The following ANKRD31 variants were observed in gnomAD, a reference collection of about 807,000 sequenced individuals.
ANKRD31 encodes the protein ankyrin repeat domain 31.
ANKRD31 carries 147 observed loss-of-function variants against 186.0 expected under a neutral mutation model. That is an observed-to-expected ratio of 0.79 (90% confidence interval 0.69 to 0.91). The LOEUF is 0.91. Among genes scored for constraint, ANKRD31 ranks in the 40% least tolerant of loss-of-function variants. The pLI is 0.00. For missense variants in ANKRD31, 1,986 were observed against 2,148.8 expected (o/e 0.92, Z 1.50); for synonymous variants, 673 against 736.4 (o/e 0.91, Z 1.39).
rs1317518353 is a variant in ANKRD31, at chr5:75,068,561, C to G, written c.5751G>C (p.Gln1917His). ...CACATTCCACACAAAACTTCCAATG[C>G]TGATCCATTATGTGGCATGGGAGAA... is the stretch of plus-strand genomic sequence containing the variant. Reference protein sequence around the residue: ...QEFLPCHIMDQHWKFCVECEE... With the variant: ...QEFLPCHIMDHHWKFCVECEE... The change falls in exon 26 of 26, where the codon CAG (glutamine) becomes CAC (histidine). Residue 1917 changes from glutamine to histidine, a missense_variant. Coordinates refer to ENST00000506364, the MANE Select transcript of ANKRD31 (RefSeq NM_001372053.1). 3.4e-5 allele frequency: 52 copies of G among 1,526,004 alleles called. No individual in the cohort carries two copies. Among genetic ancestry groups the G allele is most frequent in the Non-Finnish European group, 4.5e-5 (51 of 1,142,418 alleles). 94.5% of individuals were successfully genotyped at this position (1,526,004 alleles called of 1,614,324 possible).
intron 16 of ANKRD31, among the ~76,000 whole-genome samples, chr5:75,138,384 T>C (rs1750762300): frequency 6.6e-6 from 1 of 152,214 alleles, no homozygotes; most frequent in Admixed American, 6.5e-5. Flanking sequence ...CCTTTGAGTT[T>C]TTCCCTGTGG....
At chr5:75,226,880 A>T (rs1424941706) in intron 2 of ANKRD31, among the ~76,000 whole-genome samples, 1 of 152,180 alleles carries the variant, frequency 6.6e-6, no homozygotes, top group Admixed American at 6.5e-5. Context: ...CAGAAAAAGA[A>T]ATACAGCTAC....
intron 6 of ANKRD31, among the ~76,000 whole-genome samples, chr5:75,198,344 C>A (rs1407932661): frequency 6.6e-6 from 1 of 152,108 alleles, no homozygotes; most frequent in Non-Finnish European, 1.5e-5. Context: ...GCACATCAGG[C>A]AGCAGGCCCA....
chr5:75,219,911 TG>T (rs1757181059), intron 3 of ANKRD31, among the ~76,000 whole-genome samples: 1 of 152,184 alleles, frequency 6.6e-6, no homozygotes, highest in Non-Finnish European at 1.5e-5. Flanking sequence ...ATTCAATAAA[TG>T]GTGCTGGGAT....
intron 22 of ANKRD31, among the ~76,000 whole-genome samples, chr5:75,098,026 G>A (rs1190513799): frequency 6.8e-6 from 1 of 147,370 alleles, no homozygotes; most frequent in Non-Finnish European, 1.5e-5. Context: ...CTATATCTCT[G>A]TTTTTTTTTT....
chr5:75,188,738 C>T (rs1242994247), intron 9 of ANKRD31, 90 bp from the exon 10 acceptor site: 35 of 1,134,394 alleles, frequency 3.1e-5, no homozygotes, highest in Non-Finnish European at 4.0e-5. Flanking sequence ...AAACTACAAA[C>T]TTCACGAACA....
chr5:75,201,709 T>A (rs943308277), intron 5 of ANKRD31, among the ~76,000 whole-genome samples: 2 of 152,182 alleles, frequency 1.3e-5, no homozygotes, highest in African/African-American at 4.8e-5. Context: ...GGTTCAGGCC[T>A]TGAAGGGAAG....
rs539965635 is a variant in ANKRD31 at position 75,157,001 on chromosome 5, T to C, written c.1708-2656A>G. 8.5e-5 allele frequency among the ~76,000 whole-genome samples: 13 copies of C among 152,310 alleles called. No homozygotes were observed. The South Asian group carries it at 2.7e-3, about 32-fold the overall frequency. ...GAAAGTGGGGTGCTATTGTAACAAA[T>C]ACCTAAAAATGTAGACGTGGCTTTG... On this transcript the variant is annotated intron_variant, in intron 11 of 25. Transcript: ENST00000506364.
At chr5:75,229,062 A>C (rs947640990) in intron 2 of ANKRD31, among the ~76,000 whole-genome samples, 1 of 152,216 alleles carries the variant, frequency 6.6e-6, no homozygotes, top group Non-Finnish European at 1.5e-5. Context: ...CTCCAAAAAA[A>C]GATTTTTTTA....
intron 3 of ANKRD31, among the ~76,000 whole-genome samples, chr5:75,215,380 G>A (rs1157047546): frequency 1.3e-5 from 2 of 152,072 alleles, no homozygotes; most frequent in Admixed American, 6.6e-5. Context: ...ACCCAGCCAA[G>A]TTGACACATA....
chr5:75,181,606 C>T (rs1754299723), intron 10 of ANKRD31, among the ~76,000 whole-genome samples: 1 of 151,736 alleles, frequency 6.6e-6, no homozygotes, highest in Non-Finnish European at 1.5e-5. Context: ...AAGCTGGAAA[C>T]CATCATTCTC....
chr5:75,100,615 G>A (rs959964169), intron 22 of ANKRD31, among the ~76,000 whole-genome samples: 6 of 152,062 alleles, frequency 3.9e-5, no homozygotes, highest in Non-Finnish European at 8.8e-5. Context: ...TCCTGTATTG[G>A]GTGCATATAT....
chr5:75,084,384 A>C lies in ANKRD31; in HGVS notation c.5473-10T>G, dbSNP rs1244028788. Reference sequence around the variant, plus strand: ...TCCCAAGATACGTTACCTGCACATAATTAAGCACAAAATTTATAAATCATA... The same window carrying C: ...TCCCAAGATACGTTACCTGCACATACTTAAGCACAAAATTTATAAATCATA... On this transcript the variant is annotated splice_polypyrimidine_tract_variant and intron_variant, in intron 23 of 25. Transcript: ENST00000506364. 6.6e-7 allele frequency: 1 copy of C among 1,511,516 alleles called. No individual in the cohort carries two copies. Among genetic ancestry groups the C allele is most frequent in the African/African-American group, 1.4e-5 (1 of 72,680 alleles). The allele number at this position is 1,511,516 out of a possible 1,614,324, so 93.6% of individuals were successfully genotyped here. A position where few individuals can be genotyped will look rare whatever the true frequency, so the allele number is the denominator to read the frequency against.
In ANKRD31 at chr5:75,116,642, C is replaced by T. The variant is rs540695109; in HGVS notation, c.4079G>A (p.Cys1360Tyr). The T allele has an allele frequency of 8.1e-4, 1,182 of 1,452,278 alleles. 1 individual carries two copies. Among genetic ancestry groups the T allele is most frequent in the Non-Finnish European group, 1.0e-3 (1,132 of 1,095,516 alleles). 90.0% of individuals were successfully genotyped at this position (1,452,278 alleles called of 1,614,324 possible). Reference sequence around the variant, plus strand: ...AATAGTTTTGCCATCATCACAAAAACACTGTTTATGTCTTTTAGACCGGAC... The same window carrying T: ...AATAGTTTTGCCATCATCACAAAAATACTGTTTATGTCTTTTAGACCGGAC... ...PAVRSKRHKQ[C>Y]FCDDGKTIDS... The change falls in exon 19 of 26, where the codon TGT (cysteine) becomes TAT (tyrosine). Residue 1360 changes from cysteine (C) to tyrosine (Y), a missense_variant. Coordinates refer to ENST00000506364, the MANE Select transcript of ANKRD31 (RefSeq NM_001372053.1).
intron 19 of ANKRD31, 102 bp downstream of exon 19, chr5:75,116,464 T>A (rs1036994337): frequency 4.6e-6 from 2 of 438,542 alleles, no homozygotes; most frequent in South Asian, 1.0e-4. Context: ...TATCTTTGTA[T>A]CATTAAAATG....
Position 75,147,101 on chromosome 5 carries a change from T to G in ANKRD31, c.2310A>C (p.Pro770=). The change falls in exon 14 of 26, where the codon CCA becomes CCC. Residue 770 remains proline (P), a synonymous_variant. Transcript: ENST00000506364. ...CTTCTGGAAGGTCATTATGAGTTTC[T>G]GGAATATGCTGCTGATAGGTAACCA... ...NRLVTYQQHI[P]ETHNDLPEEL... is the part of the protein sequence containing the mutation. The G allele has an allele frequency of 6.5e-7, 1 of 1,536,388 alleles. No individual in the cohort carries two copies. Among genetic ancestry groups the G allele is most frequent in the Non-Finnish European group, 8.7e-7 (1 of 1,146,336 alleles).
intron 22 of ANKRD31, among the ~76,000 whole-genome samples, chr5:75,097,962 C>T (rs1021590762): frequency 1.3e-4 from 20 of 151,578 alleles, no homozygotes; most frequent in African/African-American, 2.4e-4. Flanking sequence ...AAGATCAGAT[C>T]GTTGTAGATG....
chr5:75,163,805 G>C (rs1752736879), intron 11 of ANKRD31, among the ~76,000 whole-genome samples: 1 of 152,180 alleles, frequency 6.6e-6, no homozygotes, highest in Non-Finnish European at 1.5e-5. Context: ...ATTTCCTTAA[G>C]GGGCCTACTG....
At chr5:75,230,508 T>A in intron 2 of ANKRD31, 54 bp downstream of exon 2, 2 of 1,367,564 alleles carry the variant, frequency 1.5e-6, no homozygotes, top group South Asian at 2.6e-5. Flanking sequence ...TGACATTAAA[T>A]GGGGACTAAC....
Sources: gnomAD v4.1 joint callset for allele counts (sites outside exome capture counted in the v4.1 genomes callset) on GRCh38, gnomAD v4.1.1 for gene constraint, MANE v1.5 for transcripts, NCBI Gene and HGNC (gene_info 2026-07-23, HGNC 2026-07-21) for gene names.